The following CCDC149 variants were observed in gnomAD, a reference collection of about 807,000 sequenced individuals.
CCDC149 encodes coiled-coil domain containing 149.
A neutral mutation model predicts 59.9 loss-of-function variants in CCDC149; 45 were observed. The ratio of observed to expected loss-of-function variants is 0.75; its 90% CI spans 0.59 to 0.96. The LOEUF (loss-of-function observed/expected upper bound fraction) is 0.96, where lower values mean the gene tolerates loss of function less well. Ranked by LOEUF, CCDC149 falls within the 40% of genes least tolerant of loss-of-function variation. The pLI, the probability that CCDC149 is intolerant of heterozygous loss-of-function variation, is 0.00. For missense variants in CCDC149, 584 were observed against 664.7 expected, an observed-to-expected ratio of 0.88 and a Z score of 1.33; for synonymous variants, 245 against 260.6, an observed-to-expected ratio of 0.94 and a Z score of 0.58.
At chr4:24,945,418 G>T (rs9998064) in intron 1 of CCDC149, among the ~76,000 whole-genome samples, 61,275 of 151,860 alleles carry the variant, frequency 0.4, 14,712 homozygotes, top group Non-Finnish European at 0.54. Context: ...TTGGAGCGAT[G>T]CATCTCTAAG....
chr4:24,969,518 G>A (rs1392917025), intron 1 of CCDC149, among the ~76,000 whole-genome samples: 1 of 152,172 alleles, frequency 6.6e-6, no homozygotes, highest in African/African-American at 2.4e-5. Context: ...ATAATTGAGC[G>A]ATATAATGAA....
chr4:24,839,832 T>A (rs1051290370), intron 4 of CCDC149, among the ~76,000 whole-genome samples: 4 of 152,192 alleles, frequency 2.6e-5, no homozygotes, highest in African/African-American at 9.6e-5. Flanking sequence ...TAAGTCTGAT[T>A]CCACACCTCC....
At chr4:24,940,708 A>G (rs1216811960) in intron 1 of CCDC149, among the ~76,000 whole-genome samples, 3 of 152,198 alleles carry the variant, frequency 2.0e-5, no homozygotes, top group Non-Finnish European at 4.4e-5. Flanking sequence ...AAGATCTACC[A>G]AGCAAATGGA....
At chr4:24,963,136 A>G (rs558113794) in intron 1 of CCDC149, among the ~76,000 whole-genome samples, 3 of 152,142 alleles carry the variant, frequency 2.0e-5, no homozygotes, top group Non-Finnish European at 4.4e-5. Flanking sequence ...TTGATCTTCC[A>G]CCTCAGAGAA....
At chr4:24,870,887 T>C (rs1718997090) in intron 3 of CCDC149, among the ~76,000 whole-genome samples, 1 of 151,706 alleles carries the variant, frequency 6.6e-6, no homozygotes, top group African/African-American at 2.4e-5. Context: ...CTACTAAAAA[T>C]ACAAAAAATT....
chr4:24,920,688 G>A (rs1577486055), intron 1 of CCDC149, among the ~76,000 whole-genome samples: 1 of 152,226 alleles, frequency 6.6e-6, no homozygotes, highest in Admixed American at 6.5e-5. Flanking sequence ...TTGGAGACAA[G>A]CTGCCATAGC....
intron 1 of CCDC149, among the ~76,000 whole-genome samples, chr4:24,940,873 C>G (rs1171096038): frequency 6.6e-6 from 1 of 152,200 alleles, no homozygotes; most frequent in Non-Finnish European, 1.5e-5. Flanking sequence ...GTACCCAATA[C>G]AGGAGCACCC....
At chr4:24,815,823 T>G (rs1457414936) in intron 12 of CCDC149, among the ~76,000 whole-genome samples, 1 of 152,122 alleles carries the variant, frequency 6.6e-6, no homozygotes, top group East Asian at 1.9e-4. Flanking sequence ...CAGGGAGAAC[T>G]TTTTAACTTT....
intron 12 of CCDC149, among the ~76,000 whole-genome samples, chr4:24,811,801 A>G (rs1186957711): frequency 6.6e-6 from 1 of 151,064 alleles, no homozygotes; most frequent in African/African-American, 2.4e-5. Context: ...TGAACCCGGG[A>G]GGCAGAGGTT....
intron 12 of CCDC149, among the ~76,000 whole-genome samples, chr4:24,813,505 T>TATATATATATAC (rs1308193947): frequency 6.3e-5 from 9 of 142,228 alleles, no homozygotes; most frequent in African/African-American, 2.4e-4. Flanking sequence ...TATATATATA[T>TATATATATATAC]ATATATATAT....
rs778430314 is a variant in CCDC149, at chr4:24,837,047, T to C, written c.662+181A>G. 3.6e-4 allele frequency among the ~76,000 whole-genome samples: 54 copies of C among 150,538 alleles called. No individual in the cohort carries two copies. Among genetic ancestry groups the C allele is most frequent in the Non-Finnish European group, 5.6e-4 (38 of 67,502 alleles). The stretch of plus-strand genomic sequence containing the variant: ...GTGCACTGTGTAGGTGTGGGCTGCT[T>C]TCCTTTTTCACTTTTGCAACTAATA... On this transcript the variant is annotated intron_variant, in intron 6 of 12. Transcript: ENST00000635206. This position sits in a 1 kb window ranked among gnomAD's most constrained non-coding sequence, Gnocchi z 4.3.
intron 1 of CCDC149, among the ~76,000 whole-genome samples, chr4:24,940,431 C>G: frequency 6.6e-6 from 1 of 152,210 alleles, no homozygotes; most frequent in Non-Finnish European, 1.5e-5. Flanking sequence ...GTACCAGCCA[C>G]TGCAAAAACA....
In CCDC149 at chr4:24,837,258, A is replaced by G. The variant is rs1475203916; in HGVS notation, c.632T>C (p.Ile211Thr). The G allele has an allele frequency of 3.1e-6, 5 of 1,614,100 alleles. No individual in the cohort carries two copies. The highest frequency in any genetic ancestry group is 1.7e-5 in the Admixed American group (1 of 60,010). ...CTCCATACACAGGGCGTCCACGTCA[A>G]TGATGCGGTTCTCGTGCCCACTCAG... The change falls in exon 6 of 13, where the codon ATT becomes ACT. Residue 211 changes from isoleucine (I) to threonine (T), a missense_variant. Ile to Thr is a moderately conservative substitution (Grantham distance 89). Coordinates refer to ENST00000635206, the MANE Select transcript of CCDC149 (RefSeq NM_001330643.2). This position sits in a 1 kb window ranked among gnomAD's most constrained non-coding sequence, Gnocchi z 4.3.
chr4:24,922,542 C>T (rs41421648), intron 1 of CCDC149, among the ~76,000 whole-genome samples: 11,777 of 152,270 alleles, frequency 0.077, 545 homozygotes, highest in Middle Eastern at 0.11. Context: ...TTTCATGCTT[C>T]TCCAACGTCC....
intron 1 of CCDC149, among the ~76,000 whole-genome samples, chr4:24,953,313 T>G (rs73250641): frequency 6.6e-6 from 1 of 152,300 alleles, no homozygotes; most frequent in South Asian, 2.1e-4. Context: ...CAGGAACATG[T>G]GCATTGTTAC....
intron 1 of CCDC149, among the ~76,000 whole-genome samples, chr4:24,949,427 T>A (rs1723209819): frequency 2.0e-5 from 2 of 101,940 alleles, no homozygotes; most frequent in Middle Eastern, 4.8e-3. Flanking sequence ...TGTAGAGAGG[T>A]AGTGGTGGCA....
At chr4:24,933,220 G>A (rs938262047) in intron 1 of CCDC149, among the ~76,000 whole-genome samples, 5 of 152,152 alleles carry the variant, frequency 3.3e-5, no homozygotes, top group Non-Finnish European at 5.9e-5. Flanking sequence ...TTAAATGGGA[G>A]GGGCTGGGTG....
At chr4:24,848,834 G>T (rs1022879188) in intron 4 of CCDC149, among the ~76,000 whole-genome samples, 1 of 152,134 alleles carries the variant, frequency 6.6e-6, no homozygotes, top group African/African-American at 2.4e-5. Flanking sequence ...AACTACAAAA[G>T]CTACAGCCAC....
intron 1 of CCDC149, among the ~76,000 whole-genome samples, chr4:24,882,482 T>C (rs558783605): frequency 2.0e-5 from 3 of 152,274 alleles, no homozygotes; most frequent in Middle Eastern, 3.4e-3. Flanking sequence ...AATGATATCG[T>C]TGAATTTTGA....
Sources: gnomAD v4.1 joint callset for allele counts (sites outside exome capture counted in the v4.1 genomes callset) on GRCh38, gnomAD v4.1.1 for gene constraint, Gnocchi (gnomAD v3.1) non-coding constraint, MANE v1.5 for transcripts, NCBI Gene and HGNC (gene_info 2026-07-23, HGNC 2026-07-21) for gene names.